The following XPR1 variants were observed in gnomAD, a reference collection of about 807,000 sequenced individuals.
XPR1 encodes solute carrier family 53 member 1.
Under a neutral mutation model 87.5 loss-of-function variants are expected in XPR1, and 28 were observed. The observed-to-expected ratio is 0.32, with a 90% CI of 0.24 to 0.44. The LOEUF is 0.44. XPR1 is among the 20% of genes least tolerant of loss of function. The pLI, the probability that XPR1 is intolerant of heterozygous loss-of-function variation, is 1.00. For synonymous variants in XPR1, 300 were observed against 306.1 expected, an observed-to-expected ratio of 0.98 and a Z score of 0.21; for missense variants, 559 against 862.3, an observed-to-expected ratio of 0.65 and a Z score of 4.41.
chr1:180,773,874 G>C (rs1648610427), intron 2 of XPR1, among the ~76,000 whole-genome samples: 1 of 152,144 alleles, frequency 6.6e-6, no homozygotes, highest in South Asian at 2.1e-4. Flanking sequence ...TAATCGAATA[G>C]AATGTGTTCT....
chr1:180,811,318 T>C, intron 6 of XPR1, 89 bp from the exon 7 acceptor site: 1 of 1,047,126 alleles, frequency 9.5e-7, no homozygotes. Context: ...TGGTAGAACT[T>C]TGAGACTCAT....
chr1:180,702,409 T>A (rs148776105), intron 2 of XPR1, among the ~76,000 whole-genome samples: 1 of 150,850 alleles, frequency 6.6e-6, no homozygotes, highest in East Asian at 1.9e-4. Flanking sequence ...AAAATGTATA[T>A]TCTGTTGATT....
chr1:180,693,115 C>T (rs537259021), intron 2 of XPR1, among the ~76,000 whole-genome samples: 5 of 152,250 alleles, frequency 3.3e-5, no homozygotes, highest in East Asian at 1.9e-4. Flanking sequence ...GTAGACTCTA[C>T]GTTGTAGAGG....
At chr1:180,702,793 A>AT (rs543378429) in intron 2 of XPR1, among the ~76,000 whole-genome samples, 282 of 148,600 alleles carry the variant, frequency 1.9e-3, no homozygotes, top group Admixed American at 3.5e-3. Context: ...CTTTTTTGGG[A>AT]TTTTTTTTCT....
At chr1:180,736,066 T>C (rs1178074804) in intron 2 of XPR1, among the ~76,000 whole-genome samples, 1 of 152,180 alleles carries the variant, frequency 6.6e-6, no homozygotes, top group Non-Finnish European at 1.5e-5. Context: ...ATTAGAAGTA[T>C]GTAAGCAATG....
chr1:180,863,827 G>C lies in XPR1; in HGVS notation c.1621G>C (p.Ala541Pro), dbSNP rs1295965598. The C allele has an allele frequency of 6.2e-7, 1 of 1,611,262 alleles. No homozygotes were observed. The highest frequency in any genetic ancestry group is 1.1e-5 in the South Asian group (1 of 90,488). Residue 541 changes from alanine to proline, a missense_variant, in exon 12 of 15, where the codon GCT (alanine) becomes CCT (proline). This residue lies in a region of XPR1 where 264 missense variants were observed against 377.2 expected (regional missense o/e 0.70). Coordinates refer to ENST00000367590, the MANE Select transcript of XPR1 (RefSeq NM_004736.4). ...GGACTGGGGTCTCTTCGATAAGAAT[G>C]CTGGAGAGAACACTTTCCTCCGGGA... is the stretch of plus-strand genomic sequence containing the variant. ...KMDWGLFDKN[A>P]GENTFLREEI...
At chr1:180,689,365 A>G (rs1158448012) in intron 2 of XPR1, among the ~76,000 whole-genome samples, 3 of 152,190 alleles carry the variant, frequency 2.0e-5, no homozygotes, top group Non-Finnish European at 4.4e-5. Context: ...TTGTGTCTCT[A>G]TTTTTAAAAG....
chr1:180,861,041 TAAAG>T (rs548669474), intron 11 of XPR1, among the ~76,000 whole-genome samples: 33 of 152,220 alleles, frequency 2.2e-4, no homozygotes, highest in East Asian at 2.1e-3. Context: ...CAGTAATTAG[TAAAG>T]AAAGAAAGAA....
intron 13 of XPR1, among the ~76,000 whole-genome samples, chr1:180,876,735 A>G (rs1216019857): frequency 2.0e-5 from 3 of 152,224 alleles, no homozygotes; most frequent in South Asian, 2.1e-4. Flanking sequence ...ATAAAAGTCA[A>G]TACCTGTTCA....
chr1:180,840,559 T>TGTGTGTGTG (rs1370116311), intron 11 of XPR1, among the ~76,000 whole-genome samples: 1 of 135,162 alleles, frequency 7.4e-6, no homozygotes, highest in Non-Finnish European at 1.6e-5. Flanking sequence ...TGTGTGTGTG[T>TGTGTGTGTG]GTGTGTGTAT....
At chr1:180,818,688 ATATACT>A (rs1468897345) in intron 7 of XPR1, among the ~76,000 whole-genome samples, 3 of 152,092 alleles carry the variant, frequency 2.0e-5, no homozygotes, top group Non-Finnish European at 2.9e-5. Flanking sequence ...CAGAGAGATG[ATATACT>A]TATTCTTAAA....
intron 1 of XPR1, among the ~76,000 whole-genome samples, chr1:180,649,626 TTAAG>T (rs1655231349): frequency 6.6e-6 from 1 of 152,216 alleles, no homozygotes; most frequent in East Asian, 1.9e-4. Context: ...GTTAGACTCT[TTAAG>T]TAAACATATT....
chr1:180,744,115 T>G (rs950652361), intron 2 of XPR1, among the ~76,000 whole-genome samples: 3 of 152,222 alleles, frequency 2.0e-5, no homozygotes, highest in Non-Finnish European at 2.9e-5. Context: ...AATGTTAGAC[T>G]TTTTGCAGTC....
At chr1:180,656,566 AT>A (rs1655526877) in intron 1 of XPR1, among the ~76,000 whole-genome samples, 1 of 51,346 alleles carries the variant, frequency 1.9e-5, no homozygotes. Context: ...TGTATAATAT[AT>A]ATTTTATATA....
intron 13 of XPR1, among the ~76,000 whole-genome samples, chr1:180,877,597 A>G (rs962747438): frequency 5.3e-5 from 8 of 152,198 alleles, no homozygotes; most frequent in Admixed American, 4.6e-4. Context: ...ATAGGAAAGA[A>G]CCCTAAAGGT....
intron 2 of XPR1, among the ~76,000 whole-genome samples, chr1:180,753,899 C>G (rs1476151808): frequency 1.3e-5 from 2 of 152,142 alleles, no homozygotes; most frequent in Non-Finnish European, 2.9e-5. Flanking sequence ...CTATTTCCCA[C>G]CATTCAAACC....
chr1:180,642,914 G>A (rs1655003513), intron 1 of XPR1, among the ~76,000 whole-genome samples: 1 of 152,120 alleles, frequency 6.6e-6, no homozygotes, highest in African/African-American at 2.4e-5. Context: ...GGCACCTGGG[G>A]AAATCTAGGA....
intron 11 of XPR1, among the ~76,000 whole-genome samples, chr1:180,845,043 T>A (rs1188517863): frequency 6.6e-6 from 1 of 152,178 alleles, no homozygotes. Context: ...TTTAAACTGA[T>A]TTGTCTAAAG....
At chr1:180,639,598 G>A (rs12734308) in intron 1 of XPR1, among the ~76,000 whole-genome samples, 47,542 of 151,920 alleles carry the variant, frequency 0.31, 8,178 homozygotes, top group Non-Finnish European at 0.38. Context: ...AAGTTTTTAG[G>A]TTATTTTTAT....
Sources: gnomAD v4.1 joint callset for allele counts (sites outside exome capture counted in the v4.1 genomes callset) on GRCh38, gnomAD v4.1.1 for gene constraint, gnomAD v4.1.1 regional missense constraint, MANE v1.5 for transcripts, NCBI Gene and HGNC (gene_info 2026-07-23, HGNC 2026-07-21) for gene names.